SUCLG1: variants seen among roughly 807,000 people sequenced by gnomAD.
The protein encoded by SUCLG1 is succinate-CoA ligase GDP/ADP-forming subunit alpha, also known as succinate--CoA ligase [ADP/GDP-forming] subunit alpha, mitochondrial.
A neutral mutation model predicts 37.3 loss-of-function variants in SUCLG1; 26 were observed. The ratio of observed to expected loss-of-function variants is 0.70; its 90% CI spans 0.51 to 0.97. The LOEUF (loss-of-function observed/expected upper bound fraction) is 0.97. SUCLG1 is among the 50% of genes least tolerant of loss of function. SUCLG1 has a pLI of 0.00. For missense variants in SUCLG1, 433 were observed against 432.9 expected (o/e 1.00, Z 0.00); for synonymous variants, 163 against 155.6 (o/e 1.05, Z -0.36).
intron 4 of SUCLG1, 56 bp from the exon 5 acceptor site, chr2:84,441,160 T>C: frequency 1.2e-6 from 2 of 1,610,382 alleles, no homozygotes; most frequent in Admixed American, 1.7e-5. Flanking sequence ...TCACAGGTCA[T>C]ACACACAAAT....
At chr2:84,439,624 A>G (rs1397209278) in intron 5 of SUCLG1, among the ~76,000 whole-genome samples, 1 of 152,210 alleles carries the variant, frequency 6.6e-6, no homozygotes, top group Non-Finnish European at 1.5e-5. Context: ...CTTTAACCCA[A>G]TTCTGTAAAC....
At chr2:84,427,231 T>G (rs1301419406) in intron 7 of SUCLG1, among the ~76,000 whole-genome samples, 1 of 152,252 alleles carries the variant, frequency 6.6e-6, no homozygotes. Flanking sequence ...AGAAGTATTT[T>G]AAATGACTGC....
intron 5 of SUCLG1, among the ~76,000 whole-genome samples, chr2:84,434,982 T>C (rs1672664426): frequency 6.6e-6 from 1 of 152,186 alleles, no homozygotes; most frequent in South Asian, 2.1e-4. Context: ...GTCAGATTGC[T>C]CTTTTAGATG....
chr2:84,443,522 C>A, intron 2 of SUCLG1, 122 bp from the exon 3 acceptor site: 1 of 843,164 alleles, frequency 1.2e-6, no homozygotes, highest in Non-Finnish European at 2.0e-6. Flanking sequence ...CAGACAATAA[C>A]ATATATTTAC....
chr2:84,435,587 T>G (rs1232440400), intron 5 of SUCLG1, among the ~76,000 whole-genome samples: 1 of 152,212 alleles, frequency 6.6e-6, no homozygotes, highest in Non-Finnish European at 1.5e-5. Flanking sequence ...CACAGTAGGC[T>G]TTTGTTCATT....
At chr2:84,424,060 A>G (rs1672495445) in intron 8 of SUCLG1, among the ~76,000 whole-genome samples, 4 of 152,234 alleles carry the variant, frequency 2.6e-5, no homozygotes, top group Non-Finnish European at 2.9e-5. Flanking sequence ...TTATTTTTTC[A>G]CAGCAGTATA....
At chr2:84,447,232 A>C (rs1244204979) in intron 2 of SUCLG1, among the ~76,000 whole-genome samples, 1 of 152,198 alleles carries the variant, frequency 6.6e-6, no homozygotes, top group Non-Finnish European at 1.5e-5. Flanking sequence ...TAAACTTCAG[A>C]CCTCACCATT....
intron 7 of SUCLG1, among the ~76,000 whole-genome samples, chr2:84,429,568 C>G (rs1292421240): frequency 6.6e-6 from 1 of 152,010 alleles, no homozygotes; most frequent in Non-Finnish European, 1.5e-5. Flanking sequence ...GAGTGAAAGT[C>G]AGATACTAAG....
chr2:84,452,498 A>G (rs1672955601), intron 1 of SUCLG1, among the ~76,000 whole-genome samples: 1 of 152,222 alleles, frequency 6.6e-6, no homozygotes, highest in African/African-American at 2.4e-5. Context: ...TTCACACGAT[A>G]TACATGATTT....
At chr2:84,438,149 G>A (rs1190120531) in intron 5 of SUCLG1, among the ~76,000 whole-genome samples, 1 of 152,194 alleles carries the variant, frequency 6.6e-6, no homozygotes. Context: ...CTGTATCAAT[G>A]TCAATATCCT....
intron 6 of SUCLG1, 32 bp downstream of exon 6, chr2:84,433,320 C>A (rs768187009): frequency 6.3e-7 from 1 of 1,583,184 alleles, no homozygotes; most frequent in Admixed American, 1.7e-5. Flanking sequence ...ACACCACACT[C>A]CAATAAAATG....
Position 84,431,490 on chromosome 2 carries a change from T to C in SUCLG1, c.825+18A>G, listed in dbSNP as rs143229361. 941 of 1,613,872 alleles carry C rather than the reference T, an allele frequency of 5.8e-4. 2 individuals carry two copies. The African/African-American group carries it at 0.011, about 19-fold the overall frequency. ...ATATTAAGAGCAAAGAGCTATGTTT[T>C]TCCAAACCCAAACTTACTGAATTAT... On this transcript the variant is annotated intron_variant, in intron 7 of 8. Transcript: ENST00000393868.
intron 7 of SUCLG1, chr2:84,425,967 A>G (rs539948873): frequency 1.1e-4 from 36 of 329,884 alleles, no homozygotes; most frequent in South Asian, 9.6e-4. Context: ...CTTCAACCTA[A>G]TATTATGCCT....
rs1046272677 is a variant in SUCLG1 at position 84,448,611 on chromosome 2, G to A, written c.201+1038C>T. Among the ~76,000 whole-genome samples the A allele has an allele frequency of 4.6e-5, 7 of 150,582 alleles. No homozygotes were observed. In the East Asian group the frequency reaches 9.8e-4, roughly 21 times the overall value. On this transcript the variant is annotated intron_variant, in intron 2 of 8. Transcript: ENST00000393868. ...AAAGGGATACTTTGGGTTAAGACACGTGGTTATACTCTAATTGATTTGATA... is the reference window on the plus strand; with the variant it reads ...AAAGGGATACTTTGGGTTAAGACACATGGTTATACTCTAATTGATTTGATA...
rs2104276991 is a variant in SUCLG1 at position 84,459,223 on chromosome 2, G to A, written c.47C>T (p.Ser16Phe). Residue 16 changes from serine (S) to phenylalanine (F), a missense_variant, in exon 1 of 9, where the codon TCC (serine) becomes TTC (phenylalanine). Ser to Phe is a radical substitution (Grantham distance 155). Coordinates refer to ENST00000393868, the MANE Select transcript of SUCLG1 (RefSeq NM_003849.4). ...GGCGGCGGCGAGGCCGCTGCTGCCG[G>A]AGACCATGGTAGCGATGTCAGCGGC... The part of the protein sequence containing the change: ...AAAADIATMV[S>F]GSSGLAAARL... The A allele has an allele frequency of 7.7e-6, 12 of 1,550,460 alleles. No homozygotes were observed. The highest frequency in any genetic ancestry group is 9.6e-6 in the Non-Finnish European group (11 of 1,146,784).
chr2:84,433,448 G>T lies in SUCLG1; in HGVS notation c.590-13C>A, dbSNP rs759502036. 1.9e-6 allele frequency: 3 copies of T among 1,610,994 alleles called. No individual in the cohort carries two copies. The highest frequency in any genetic ancestry group is 3.3e-5 in the Admixed American group (2 of 59,920). ...CTGGACACAATGCCTTAACGAAAGA[G>T]AATTCAAAAATATTAGATTGTGTTT... On this transcript the variant is annotated splice_polypyrimidine_tract_variant and intron_variant, in intron 5 of 8. Transcript: ENST00000393868.
chr2:84,438,579 C>A (rs943816174), intron 5 of SUCLG1, among the ~76,000 whole-genome samples: 45 of 152,128 alleles, frequency 3.0e-4, no homozygotes, highest in African/African-American at 1.1e-3. Context: ...ACCTAAGGAT[C>A]TGAAGTCAAG....
intron 5 of SUCLG1, among the ~76,000 whole-genome samples, chr2:84,434,966 A>C (rs571803291): frequency 6.6e-6 from 1 of 152,314 alleles, no homozygotes; most frequent in African/African-American, 2.4e-5. Flanking sequence ...GACCCTACAG[A>C]ACACTGTCAG....
intron 1 of SUCLG1, among the ~76,000 whole-genome samples, chr2:84,453,193 C>A (rs1479636277): frequency 1.3e-5 from 2 of 152,042 alleles, no homozygotes; most frequent in African/African-American, 4.8e-5. Context: ...GAGTGAAACA[C>A]ACCATAGGCA....
Sources: gnomAD v4.1 joint callset for allele counts (sites outside exome capture counted in the v4.1 genomes callset) on GRCh38, gnomAD v4.1.1 for gene constraint, MANE v1.5 for transcripts, NCBI Gene and HGNC (gene_info 2026-07-23, HGNC 2026-07-21) for gene names.